The following XRRA1 variants were observed in gnomAD, a reference collection of about 807,000 sequenced individuals.
The protein encoded by XRRA1 is X-ray radiation resistance-associated protein 1.
XRRA1 carries 69 observed loss-of-function variants against 80.2 expected under a neutral mutation model. The observed-to-expected ratio is 0.86, with a 90% CI of 0.71 to 1.05. The LOEUF is 1.05. Among genes scored for constraint, XRRA1 ranks in the 50% least tolerant of loss-of-function variants. The probability of loss-of-function intolerance (pLI) is 0.00; values close to 1 mark genes in which losing one functional copy is unlikely to be tolerated. For missense variants in XRRA1, 967 were observed against 976.4 expected (o/e 0.99, Z 0.13); for synonymous variants, 348 against 389.9 (o/e 0.89, Z 1.27).
intron 8 of XRRA1, chr11:74,913,564 C>T (rs943450675): frequency 2.6e-5 from 4 of 152,222 alleles, no homozygotes; most frequent in Admixed American, 2.0e-4. Context: ...GTTTCTTTCT[C>T]TCTCTTTATC....
intron 10 of XRRA1, among the ~76,000 whole-genome samples, chr11:74,881,233 T>A (rs1221423812): frequency 6.6e-6 from 1 of 150,652 alleles, no homozygotes; most frequent in Non-Finnish European, 1.5e-5. Context: ...TCTTTGTCTC[T>A]TTTGATCTTT....
At chr11:74,937,604 TA>T (rs767004092) in intron 3 of XRRA1, among the ~76,000 whole-genome samples, 136 of 144,034 alleles carry the variant, frequency 9.4e-4, no homozygotes, top group African/African-American at 1.9e-3. Flanking sequence ...CAGATGGCAT[TA>T]AAAAAAAAAA....
chr11:74,847,348 GGGAT>G (rs1385905112), intron 15 of XRRA1, among the ~76,000 whole-genome samples: 1 of 152,152 alleles, frequency 6.6e-6, no homozygotes, highest in Non-Finnish European at 1.5e-5. Context: ...ATCAGGGAGA[GGGAT>G]GGTACAGTAA....
At chr11:74,874,832 A>G (rs909415402) in intron 10 of XRRA1, among the ~76,000 whole-genome samples, 10 of 152,326 alleles carry the variant, frequency 6.6e-5, no homozygotes, top group Admixed American at 2.6e-4. Flanking sequence ...AAACTTCCCT[A>G]GAAAATCCAG....
chr11:74,874,257 AAAAAAG>A (rs2045567386), intron 10 of XRRA1, among the ~76,000 whole-genome samples: 2 of 150,638 alleles, frequency 1.3e-5, no homozygotes, highest in Admixed American at 6.6e-5. Flanking sequence ...AAAAAAAAAA[AAAAAAG>A]AAAGAAACTC....
chr11:74,852,275 G>A (rs2040059046), intron 12 of XRRA1, among the ~76,000 whole-genome samples, 193 bp from the exon 13 acceptor site: 1 of 152,172 alleles, frequency 6.6e-6, no homozygotes, highest in South Asian at 2.1e-4. Context: ...CATGCACAGA[G>A]TACCTTGCCC....
chr11:74,946,887 G>A (rs1414873036), intron 1 of XRRA1, among the ~76,000 whole-genome samples: 1 of 152,126 alleles, frequency 6.6e-6, no homozygotes, highest in East Asian at 1.9e-4. Flanking sequence ...TAGAAGCTGG[G>A]ACTACAGGCG....
chr11:74,930,503 A>T (rs1023398057), intron 5 of XRRA1, 131 bp from the exon 6 acceptor site: 126 of 677,958 alleles, frequency 1.9e-4, no homozygotes, highest in Middle Eastern at 2.5e-4. Flanking sequence ...TCCCTAGCAC[A>T]GGAGCAGACA....
intron 8 of XRRA1, among the ~76,000 whole-genome samples, chr11:74,912,498 GA>G (rs1297907409): frequency 6.6e-6 from 1 of 152,184 alleles, no homozygotes; most frequent in East Asian, 1.9e-4. Context: ...CCACAGAATA[GA>G]AGCCTGACTA....
chr11:74,882,638 G>A (rs2047944349), intron 10 of XRRA1, among the ~76,000 whole-genome samples: 1 of 152,144 alleles, frequency 6.6e-6, no homozygotes, highest in Non-Finnish European at 1.5e-5. Context: ...CATCTTTGTG[G>A]TTTTATCTAC....
rs951074152 is a variant in XRRA1 at position 74,875,418 on chromosome 11, C to T, written c.1004-12397G>A. On this transcript the variant is annotated intron_variant, in intron 10 of 18. Coordinates refer to ENST00000684022, the MANE Select transcript of XRRA1 (RefSeq NM_001378157.1). ...TCTCAGGATGGCTACAGTAAGAGGACGGCAAACTCCACTTGCCAGCCTCCC... is the reference window on the plus strand; with the variant it reads ...TCTCAGGATGGCTACAGTAAGAGGATGGCAAACTCCACTTGCCAGCCTCCC... Among the ~76,000 whole-genome samples the T allele has an allele frequency of 4.3e-4, 66 of 152,264 alleles. 1 individual carries two copies. The highest frequency in any genetic ancestry group is 8.5e-4 in the Non-Finnish European group (58 of 68,012).
intron 10 of XRRA1, among the ~76,000 whole-genome samples, chr11:74,900,227 G>A (rs1419250221): frequency 2.0e-5 from 3 of 151,968 alleles, no homozygotes; most frequent in Non-Finnish European, 4.4e-5. Context: ...TATATCTGAT[G>A]AATATTGATG....
At position 74,844,262 on chromosome 11, in the gene XRRA1, G is replaced by A; in HGVS notation, c.1949C>T (p.Ala650Val). The change falls in exon 17 of 19, where the codon GCC (alanine) becomes GTC (valine). Residue 650 changes from alanine to valine, a missense_variant. Ala to Val is a moderately conservative substitution (Grantham distance 64, BLOSUM62 0). Coordinates refer to ENST00000684022, the MANE Select transcript of XRRA1 (RefSeq NM_001378157.1). Reference protein sequence around the residue: ...EPKGIQKNAQALQQMLKHPLL... With the variant: ...EPKGIQKNAQVLQQMLKHPLL... ...TGGGTGCTTCAGCATTTGTTGCAGG[G>A]CTTGTGCATTCTTCTGGATTCCTAG... 5 of 1,613,246 alleles carry A rather than the reference G, an allele frequency of 3.1e-6. No homozygotes were observed. Among genetic ancestry groups the A allele is most frequent in the Non-Finnish European group, 4.2e-6 (5 of 1,179,816 alleles).
chr11:74,938,378 C>T (rs1016460408), intron 3 of XRRA1, among the ~76,000 whole-genome samples: 6 of 152,216 alleles, frequency 3.9e-5, no homozygotes, highest in Admixed American at 1.3e-4. Context: ...TCCCTGACTC[C>T]TGGGGACCTC....
At chr11:74,848,036 A>G in intron 15 of XRRA1, 79 bp downstream of exon 15, 1 of 1,308,680 alleles carries the variant, frequency 7.6e-7, no homozygotes, top group Non-Finnish European at 1.0e-6. Flanking sequence ...CCAGCTGTCC[A>G]CAGCAATCGA....
chr11:74,855,918 A>AGGTCAGGAGTTCAAGACC (rs563210732), intron 12 of XRRA1, among the ~76,000 whole-genome samples: 77 of 152,270 alleles, frequency 5.1e-4, no homozygotes, highest in African/African-American at 1.8e-3. Context: ...GTGGATCACG[A>AGGTCAGGAGTTCAAGACC]GGTCAGGAGT....
At chr11:74,932,106 T>G (rs1943729253) in intron 5 of XRRA1, among the ~76,000 whole-genome samples, 1 of 152,238 alleles carries the variant, frequency 6.6e-6, no homozygotes, top group African/African-American at 2.4e-5. Flanking sequence ...TTGTAGGAGC[T>G]CTTGACACAT....
chr11:74,882,184 T>C (rs2047808923), intron 10 of XRRA1, among the ~76,000 whole-genome samples: 1 of 152,166 alleles, frequency 6.6e-6, no homozygotes, highest in East Asian at 1.9e-4. Context: ...CATAGTCCCA[T>C]ATTTCTTGGA....
At chr11:74,890,197 C>A (rs2050264446) in intron 10 of XRRA1, among the ~76,000 whole-genome samples, 3 of 152,214 alleles carry the variant, frequency 2.0e-5, no homozygotes, top group African/African-American at 7.2e-5. Flanking sequence ...TTATAACAAA[C>A]TGTCTCTCAG....
Sources: allele counts gnomAD v4.1 joint callset (sites outside exome capture counted in the v4.1 genomes callset), GRCh38; gene constraint gnomAD v4.1.1; transcripts MANE v1.5; gene names NCBI Gene and HGNC (gene_info 2026-07-23, HGNC 2026-07-21).